The following LPAR6 variants were observed in gnomAD, a reference collection of about 807,000 sequenced individuals.
LPAR6 encodes G-protein coupled purinergic receptor P2Y5.
LPAR6 carries 17 observed loss-of-function variants against 22.0 expected under a neutral mutation model. The ratio of observed to expected loss-of-function variants is 0.77; its 90% CI spans 0.53 to 1.16. The LOEUF (loss-of-function observed/expected upper bound fraction) is 1.16. Among genes scored for constraint, LPAR6 ranks in the 50% most tolerant of loss-of-function variants. The pLI is 0.00. For synonymous variants in LPAR6, 136 were observed against 139.8 expected (o/e 0.97, Z 0.19); for missense variants, 384 against 406.9 (o/e 0.94, Z 0.48).
At chr13:48,404,790 G>A (rs1196715123) in intron 1 of LPAR6, among the ~76,000 whole-genome samples, 2 of 152,076 alleles carry the variant, frequency 1.3e-5, no homozygotes, top group East Asian at 3.9e-4. Context: ...CTCCCAAAGT[G>A]CTGGAATTAT....
chr13:48,438,052 G>A (rs1949201484), intron 1 of LPAR6, among the ~76,000 whole-genome samples: 1 of 152,050 alleles, frequency 6.6e-6, no homozygotes, highest in Non-Finnish European at 1.5e-5. Flanking sequence ...TATATGCTTG[G>A]CACTGGAATT....
At chr13:48,432,742 C>T (rs983173944) in intron 1 of LPAR6, among the ~76,000 whole-genome samples, 2 of 151,420 alleles carry the variant, frequency 1.3e-5, no homozygotes, top group Non-Finnish European at 2.9e-5. Flanking sequence ...CTTGAGTAAG[C>T]GTACAGGAAT....
intron 1 of LPAR6, among the ~76,000 whole-genome samples, chr13:48,392,283 G>A (rs1227724250): frequency 2.0e-5 from 3 of 151,648 alleles, no homozygotes; most frequent in African/African-American, 2.4e-5. Flanking sequence ...GCTAATTTTT[G>A]TATTTTTAGT....
chr13:48,422,919 T>C (rs1190363818), intron 1 of LPAR6: 1 of 152,162 alleles, frequency 6.6e-6, no homozygotes, highest in Non-Finnish European at 1.5e-5. Context: ...GATGAGAGGA[T>C]CACTTGAGAC....
chr13:48,441,105 A>T (rs909698720), intron 1 of LPAR6, among the ~76,000 whole-genome samples: 2 of 152,198 alleles, frequency 1.3e-5, no homozygotes, highest in African/African-American at 4.8e-5. Context: ...AACAACAGAA[A>T]TGTATTTCTC....
intron 1 of LPAR6, among the ~76,000 whole-genome samples, chr13:48,440,082 C>T (rs1452722313): frequency 2.0e-5 from 3 of 151,992 alleles, no homozygotes; most frequent in Non-Finnish European, 2.9e-5. Context: ...AGGAGCTTTT[C>T]TTACATGTAG....
At chr13:48,394,890 G>T (rs1948636109) in intron 1 of LPAR6, among the ~76,000 whole-genome samples, 1 of 152,244 alleles carries the variant, frequency 6.6e-6, no homozygotes, top group Non-Finnish European at 1.5e-5. Context: ...CAGTGCTCAA[G>T]CTCTGCTAAG....
chr13:48,391,145 A>G (rs756837421), intron 1 of LPAR6, among the ~76,000 whole-genome samples: 2 of 151,910 alleles, frequency 1.3e-5, no homozygotes, highest in African/African-American at 2.4e-5. Context: ...TTTTTGATTT[A>G]TAATATGAAT....
chr13:48,416,626 C>T (rs1161481980), upstream of LPAR6: 2 of 152,372 alleles, frequency 1.3e-5, no homozygotes, highest in African/African-American at 4.8e-5. Flanking sequence ...GCCAGGGAGC[C>T]AAGTGGTCTA....
At chr13:48,436,040 G>C (rs1349614666) in intron 1 of LPAR6, among the ~76,000 whole-genome samples, 1 of 152,152 alleles carries the variant, frequency 6.6e-6, no homozygotes, top group Non-Finnish European at 1.5e-5. Flanking sequence ...ACACGAATAT[G>C]TTAAAAGGAT....
chr13:48,400,155 C>T (rs992718402), intron 1 of LPAR6, among the ~76,000 whole-genome samples: 1 of 152,114 alleles, frequency 6.6e-6, no homozygotes, highest in African/African-American at 2.4e-5. Context: ...GATAATTATA[C>T]AGACCAGCAT....
chr13:48,424,285 G>A (rs914557640), intron 1 of LPAR6, among the ~76,000 whole-genome samples: 1 of 152,106 alleles, frequency 6.6e-6, no homozygotes, highest in African/African-American at 2.4e-5. Context: ...GTATCATTTC[G>A]AAGTGATTTA....
chr13:48,442,732 T>C (rs752667932), intron 1 of LPAR6, among the ~76,000 whole-genome samples: 2 of 152,224 alleles, frequency 1.3e-5, no homozygotes, highest in Non-Finnish European at 2.9e-5. Flanking sequence ...AGAGCTGGTA[T>C]ATCAGACATC....
chr13:48,431,844 A>T (rs1006777114), upstream of LPAR6, among the ~76,000 whole-genome samples: 2 of 151,920 alleles, frequency 1.3e-5, no homozygotes, highest in Non-Finnish European at 2.9e-5. Flanking sequence ...GCATATTAAA[A>T]TTTTTTCCTG....
chr13:48,427,006 A>G (rs1949089181), upstream of LPAR6: 2 of 152,876 alleles, frequency 1.3e-5, no homozygotes, highest in African/African-American at 2.4e-5. Flanking sequence ...AGGAGGTCCC[A>G]TGCCCTTTTT....
chr13:48,389,766 T>A, exon 2 of LPAR6: 1 of 152,230 alleles, frequency 6.6e-6, no homozygotes, highest in Non-Finnish European at 1.5e-5. Context: ...CTTCCTCCCA[T>A]CCTCCCTCCC....
intron 1 of LPAR6, among the ~76,000 whole-genome samples, chr13:48,395,914 C>T (rs1948644309): frequency 6.6e-6 from 1 of 152,002 alleles, no homozygotes; most frequent in South Asian, 2.1e-4. Context: ...AAGAGGAACC[C>T]CAGGACATAT....
chr13:48,396,958 C>G (rs888651885), intron 1 of LPAR6, among the ~76,000 whole-genome samples: 3 of 152,134 alleles, frequency 2.0e-5, no homozygotes, highest in Non-Finnish European at 4.4e-5. Flanking sequence ...CCATCTCATG[C>G]CAGTTAGAAT....
intron 1 of LPAR6, among the ~76,000 whole-genome samples, chr13:48,394,276 G>A (rs936537745): frequency 4.9e-4 from 75 of 152,146 alleles, no homozygotes; most frequent in African/African-American, 1.7e-3. Context: ...AGATTCCCTC[G>A]GGTGCCTACA....
Sources: gnomAD v4.1 joint callset for allele counts (sites outside exome capture counted in the v4.1 genomes callset) on GRCh38, gnomAD v4.1.1 for gene constraint, MANE v1.5 for transcripts, NCBI Gene and HGNC (gene_info 2026-07-23, HGNC 2026-07-21) for gene names.